Variants in SMIM35 observed in about 807,000 individuals in gnomAD.
SMIM35 encodes the protein small integral membrane protein 35, also known as TMPRSS4 antisense RNA 1 (non-protein coding).
intron 1 of SMIM35, among the ~76,000 whole-genome samples, chr11:118,022,751 T>C (rs1251587321): frequency 6.6e-6 from 1 of 152,084 alleles, no homozygotes; most frequent in Non-Finnish European, 1.5e-5. Flanking sequence ...GAGAATCATC[T>C]GAAAGCATTC....
intron 1 of SMIM35, among the ~76,000 whole-genome samples, chr11:118,065,315 AG>A (rs2135129189): frequency 6.6e-6 from 1 of 152,338 alleles, no homozygotes; most frequent in African/African-American, 2.4e-5. Context: ...GATGGCTCAC[AG>A]GAGGAGGAAG....
intron 1 of SMIM35, among the ~76,000 whole-genome samples, chr11:118,019,999 C>A (rs527278198): frequency 3.9e-5 from 6 of 152,178 alleles, no homozygotes; most frequent in Non-Finnish European, 8.8e-5. Context: ...CATGGTGTCT[C>A]ACGCCTGTAA....
intron 1 of SMIM35, among the ~76,000 whole-genome samples, chr11:118,073,051 G>A (rs1409577264): frequency 1.3e-5 from 2 of 152,214 alleles, no homozygotes; most frequent in Non-Finnish European, 2.9e-5. Flanking sequence ...CTGAGTAGCT[G>A]GGATTACAGG....
intron 1 of SMIM35, among the ~76,000 whole-genome samples, chr11:118,050,144 G>A (rs560513971): frequency 1.1e-3 from 163 of 152,366 alleles, no homozygotes; most frequent in African/African-American, 3.2e-3. Context: ...GAGCCACTCT[G>A]ACCTTCCAGG....
intron 1 of SMIM35, among the ~76,000 whole-genome samples, chr11:118,048,034 G>C (rs1944130733): frequency 6.6e-6 from 1 of 152,166 alleles, no homozygotes; most frequent in Non-Finnish European, 1.5e-5. Context: ...CCCCAGAGTG[G>C]GGGTGCATCC....
intron 2 of SMIM35, 103 bp downstream of exon 2, chr11:118,015,589 TC>T (rs2058175644): frequency 5.0e-6 from 2 of 398,184 alleles, no homozygotes; most frequent in Non-Finnish European, 8.8e-6. Flanking sequence ...ATATTTTTCA[TC>T]CCACCATGCT....
intron 1 of SMIM35, among the ~76,000 whole-genome samples, chr11:118,024,597 C>T (rs2058259169): frequency 6.6e-6 from 1 of 152,014 alleles, no homozygotes; most frequent in African/African-American, 2.4e-5. Context: ...CTCAGCCTCC[C>T]AAGTAGCTGG....
chr11:118,034,539 A>G (rs1426029020), intron 1 of SMIM35, among the ~76,000 whole-genome samples: 1 of 152,180 alleles, frequency 6.6e-6, no homozygotes, highest in Non-Finnish European at 1.5e-5. Context: ...CCTGGGCAAC[A>G]TGGCAAGACC....
At chr11:118,054,724 C>T (rs1310904516) in intron 1 of SMIM35, among the ~76,000 whole-genome samples, 1 of 151,822 alleles carries the variant, frequency 6.6e-6, no homozygotes, top group Non-Finnish European at 1.5e-5. Flanking sequence ...TATATGTTTC[C>T]AATATAAATC....
chr11:118,077,346 G>A (rs765968624), intron 1 of SMIM35: 21 of 1,576,852 alleles, frequency 1.3e-5, no homozygotes, highest in Admixed American at 1.8e-5. Flanking sequence ...CAGGAAGGGT[G>A]GGTCTCCCCA....
intron 1 of SMIM35, among the ~76,000 whole-genome samples, chr11:118,066,157 A>T (rs1348018691): frequency 6.6e-6 from 1 of 151,486 alleles, no homozygotes; most frequent in Non-Finnish European, 1.5e-5. Flanking sequence ...TTCTCCCCAA[A>T]CCCACCTCTG....
intron 1 of SMIM35, among the ~76,000 whole-genome samples, chr11:118,016,813 G>T (rs73011708): frequency 6.6e-6 from 1 of 152,096 alleles, no homozygotes; most frequent in Admixed American, 6.5e-5. Flanking sequence ...ACTTAGGAGA[G>T]GATCTGACAT....
chr11:118,060,196 T>A (rs942733498), intron 1 of SMIM35, among the ~76,000 whole-genome samples: 1 of 152,148 alleles, frequency 6.6e-6, no homozygotes, highest in Non-Finnish European at 1.5e-5. Flanking sequence ...CCCCCACCCA[T>A]GTGGCCTGCC....
intron 1 of SMIM35, among the ~76,000 whole-genome samples, chr11:118,083,819 GA>G (rs904205110): frequency 1.5e-4 from 23 of 152,212 alleles, no homozygotes; most frequent in African/African-American, 5.3e-4. Flanking sequence ...TTGGGAGGCC[GA>G]AAAGGGCAGA....
intron 1 of SMIM35, among the ~76,000 whole-genome samples, chr11:118,034,154 A>C (rs2058340169): frequency 1.3e-5 from 2 of 150,780 alleles, no homozygotes; most frequent in Admixed American, 1.3e-4. Context: ...CTGTAATCCC[A>C]GCTATTCAGG....
At chr11:118,060,123 C>G (rs1944373583) in intron 1 of SMIM35, among the ~76,000 whole-genome samples, 1 of 152,204 alleles carries the variant, frequency 6.6e-6, no homozygotes, top group South Asian at 2.1e-4. Flanking sequence ...TTTATCAAAA[C>G]CCAATTCCCG....
intron 1 of SMIM35, among the ~76,000 whole-genome samples, chr11:118,042,082 A>AGAG (rs1944014116): frequency 1.7e-5 from 1 of 58,730 alleles, no homozygotes; most frequent in Non-Finnish European, 3.7e-5. Context: ...GAGAGAGAGA[A>AGAG]AGAAAGACAA....
At chr11:118,067,379 AC>A (rs1565397309) in intron 1 of SMIM35, 1 of 152,036 alleles carries the variant, frequency 6.6e-6, no homozygotes, top group East Asian at 1.9e-4. Context: ...CAATATGGTG[AC>A]CTCTTAGGAG....
intron 1 of SMIM35, among the ~76,000 whole-genome samples, chr11:118,054,675 A>G (rs115039873): frequency 0.012 from 1,807 of 152,196 alleles, 26 homozygotes; most frequent in African/African-American, 0.042. Flanking sequence ...TGCCTATTTT[A>G]TTGTGTAATG....
Sources: gnomAD v4.1 joint callset for allele counts (sites outside exome capture counted in the v4.1 genomes callset) on GRCh38, gnomAD v4.1.1 for gene constraint, MANE v1.5 for transcripts, NCBI Gene and HGNC (gene_info 2026-07-23, HGNC 2026-07-21) for gene names.